PRR30: variants seen among roughly 807,000 people sequenced by gnomAD.
PRR30 encodes the protein proline-rich protein 30.
For synonymous variants in PRR30, 229 were observed against 222.7 expected (o/e 1.03, Z -0.25); for missense variants, 546 against 525.3 (o/e 1.04, Z -0.39).
At position 27,138,017 on chromosome 2, in the gene PRR30, G is replaced by A. The variant is rs911744446; in HGVS notation, c.313C>T (p.Leu105Phe). 1.5e-5 allele frequency: 25 copies of A among 1,613,592 alleles called. No individual in the cohort carries two copies. The highest frequency in any genetic ancestry group is 2.1e-5 in the Non-Finnish European group (25 of 1,179,900). Reference sequence around the variant, plus strand: ...GGAGAGGATGCACGTGGACGGGGGAGAGAGAGGTAGTTCTGGTGAAAGAAA... The same window carrying A: ...GGAGAGGATGCACGTGGACGGGGGAAAGAGAGGTAGTTCTGGTGAAAGAAA... ...PTFFHQNYLS[L>F]PRPRASSPSN... Residue 105 changes from leucine to phenylalanine, a missense_variant, in exon 3 of 3, where the codon CTC (leucine) becomes TTC (phenylalanine). Leu to Phe is a conservative substitution (Grantham distance 22, BLOSUM62 0). Transcript: ENST00000335524.
At position 27,138,175 on chromosome 2, in the gene PRR30, G is replaced by A; in HGVS notation, c.155C>T (p.Ser52Phe). The change falls in exon 3 of 3, where the codon TCT becomes TTT. Residue 52 changes from serine (S) to phenylalanine (F), a missense_variant. By Grantham distance (155) the Ser-to-Phe change is radical. Transcript: ENST00000335524. ...GGAGGGACGACGGGACTGAGTGGAA[G>A]AGAACGGTGGTTGAGAGGGAGGGAG... ...QGLPPSQPPF[S>F]STQSRRPSSP... The A allele has an allele frequency of 1.2e-6, 2 of 1,613,982 alleles. No homozygotes were observed. Among genetic ancestry groups the A allele is most frequent in the East Asian group, 2.2e-5 (1 of 44,874 alleles).
chr2:27,138,720 A>G (rs13419636), intron 2 of PRR30, 26 bp from the exon 3 acceptor site: 1 of 206,298 alleles, frequency 4.8e-6, no homozygotes, highest in Admixed American at 5.4e-5. Flanking sequence ...AGAACCCAAG[A>G]CATTGGGAGA....
Position 27,138,506 on chromosome 2 carries a change from C to T in PRR30, c.-177G>A, listed in dbSNP as rs1672555384. On this transcript the variant is annotated 5_prime_UTR_variant, in exon 3 of 3. The change creates a premature stop within an existing upstream ORF in the 5' untranslated region. Transcript: ENST00000335524. ...GCTGGTGGCAGGCCAAGGGGATACC[C>T]AGCCCTCCAGCACCAGGCTCTCAGG... 6 of 1,273,068 alleles carry T rather than the reference C, an allele frequency of 4.7e-6. No individual in the cohort carries two copies. The Admixed American group carries it at 1.2e-4, about 25-fold the overall frequency. 78.9% of individuals were successfully genotyped at this position (1,273,068 alleles called of 1,614,324 possible).
chr2:27,137,604 G>A lies in PRR30; in HGVS notation c.726C>T (p.Gly242=), dbSNP rs1311855778. 6.2e-7 allele frequency: 1 copy of A among 1,609,916 alleles called. No individual in the cohort carries two copies. The highest frequency in any genetic ancestry group is 1.1e-5 in the South Asian group (1 of 90,832). The change falls in exon 3 of 3, where the codon GGC becomes GGT. Residue 242 remains glycine, a synonymous_variant. Coordinates refer to ENST00000335524, the MANE Select transcript of PRR30 (RefSeq NM_178553.4). The surrounding 1 kb of genome is among the most constrained non-coding windows in gnomAD (Gnocchi z 4.3). ...TAGGATACTCCACGACTGGGGCCTGGCCGGTTCTGCCTAGCCACAGGTGCT... is the reference window on the plus strand; with the variant it reads ...TAGGATACTCCACGACTGGGGCCTGACCGGTTCTGCCTAGCCACAGGTGCT... ...LLQHLWLGRT[G]QAPVVEYPIC...
chr2:27,137,875 A>G lies in PRR30; in HGVS notation c.455T>C (p.Leu152Pro), dbSNP rs1280021877. The G allele has an allele frequency of 9.4e-6, 15 of 1,598,376 alleles. No individual in the cohort carries two copies. The African/African-American group carries it at 1.3e-4, about 14-fold the overall frequency. ...TGGGGAAGTGAGTGTGGAGCTATGCAGTTCCTCGGGGTGGGAAGGGGACTG... is the reference window on the plus strand; with the variant it reads ...TGGGGAAGTGAGTGTGGAGCTATGCGGTTCCTCGGGGTGGGAAGGGGACTG... Reference protein sequence around the residue: ...PCQSPSHPEELHSSTLTSPGP... With the variant: ...PCQSPSHPEEPHSSTLTSPGP... The change falls in exon 3 of 3, where the codon CTG becomes CCG. Residue 152 changes from leucine (L) to proline (P), a missense_variant. Physicochemically the swap from Leu to Pro is moderately conservative, Grantham distance 98 (BLOSUM62 -3). Coordinates refer to ENST00000335524, the MANE Select transcript of PRR30 (RefSeq NM_178553.4). The surrounding 1 kb of genome is among the most constrained non-coding windows in gnomAD (Gnocchi z 4.3).
At position 27,137,543 on chromosome 2, in the gene PRR30, AGGAGGGGCTGCGGGGCCG is replaced by A; in HGVS notation, c.769_786del (p.Arg257_Ser262del). 6.3e-7 allele frequency: 1 copy of A among 1,589,424 alleles called. No individual in the cohort carries two copies. Among genetic ancestry groups the A allele is most frequent in the Non-Finnish European group, 8.6e-7 (1 of 1,166,956 alleles). ...CCAGTCCTGTACCTGGGGAGGGGGC[AGGAGGGGCTGCGGGGCCG>A]GAGGCACACCAGGCATATAGGATAC... On this transcript the variant is annotated inframe_deletion, in exon 3 of 3. Coordinates refer to ENST00000335524, the MANE Select transcript of PRR30 (RefSeq NM_178553.4). The surrounding 1 kb of genome is among the most constrained non-coding windows in gnomAD (Gnocchi z 4.3).
rs779028584 is a variant in PRR30 at position 27,137,124 on chromosome 2, A to G, written c.1206T>C (p.Ser402=). 6.2e-7 allele frequency: 1 copy of G among 1,614,128 alleles called. No homozygotes were observed. Among genetic ancestry groups the G allele is most frequent in the South Asian group, 1.1e-5 (1 of 91,080 alleles). Reference sequence around the variant, plus strand: ...ATGACTTTTGGAGAATGAGCTCCAGAGAAACTGGCCTCTTTGGGCCAGGGC... The same window carrying G: ...ATGACTTTTGGAGAATGAGCTCCAGGGAAACTGGCCTCTTTGGGCCAGGGC... ...RPCPGPKRPV[S]LELILQKSSV Residue 402 remains serine (S), a synonymous_variant, in exon 3 of 3, where the codon TCT becomes TCC. Coordinates refer to ENST00000335524, the MANE Select transcript of PRR30 (RefSeq NM_178553.4). This position sits in a 1 kb window ranked among gnomAD's most constrained non-coding sequence, Gnocchi z 4.3.
rs141568493 is a variant in PRR30, at chr2:27,137,554, C to T, written c.776G>A (p.Arg259His). ...YPICLVCLRP[R>H]SPSCPLPRYR... ...CCTGGGGAGGGGGCAGGAGGGGCTG[C>T]GGGGCCGGAGGCACACCAGGCATAT... The change falls in exon 3 of 3, where the codon CGC (arginine) becomes CAC (histidine). Residue 259 changes from arginine to histidine, a missense_variant. Arg to His is a conservative substitution (Grantham distance 29). Coordinates refer to ENST00000335524, the MANE Select transcript of PRR30 (RefSeq NM_178553.4). The surrounding 1 kb of genome is among the most constrained non-coding windows in gnomAD (Gnocchi z 4.3). The T allele has an allele frequency of 6.9e-4, 1,089 of 1,587,552 alleles. 6 individuals are homozygous for T. In the African/African-American group the frequency reaches 0.013, roughly 18 times the overall value.
rs752161876 is a variant in PRR30 at position 27,138,261 on chromosome 2, G to A, written c.69C>T (p.Gly23=). 20 of 1,613,656 alleles carry A rather than the reference G, an allele frequency of 1.2e-5. No homozygotes were observed. The highest frequency in any genetic ancestry group is 1.7e-5 in the Non-Finnish European group (20 of 1,179,934). Residue 23 remains glycine, a synonymous_variant, in exon 3 of 3, where the codon GGC becomes GGT. Coordinates refer to ENST00000335524, the MANE Select transcript of PRR30 (RefSeq NM_178553.4). The part of the protein sequence containing the change: ...TSVLPGRPTW[G]FSQLVDSSPH... The stretch of plus-strand genomic sequence containing the variant: ...GAGAGGAGTCCACAAGTTGTGAGAA[G>A]CCCCAAGTGGGGCGCCCAGGGAGCA...
At position 27,137,010 on chromosome 2, in the gene PRR30, G is replaced by A. The variant is rs1196913677; in HGVS notation, c.*81C>T. 4.6e-6 allele frequency: 7 copies of A among 1,519,518 alleles called. No individual in the cohort carries two copies. Among genetic ancestry groups the A allele is most frequent in the African/African-American group, 2.8e-5 (2 of 72,066 alleles). The allele number at this position is 1,519,518 out of a possible 1,614,324, so 94.1% of individuals were successfully genotyped here. A position where few individuals can be genotyped will look rare whatever the true frequency, so the allele number is the denominator to read the frequency against. On this transcript the variant is annotated 3_prime_UTR_variant, in exon 3 of 3. Coordinates refer to ENST00000335524, the MANE Select transcript of PRR30 (RefSeq NM_178553.4). The surrounding 1 kb of genome is among the most constrained non-coding windows in gnomAD (Gnocchi z 4.3). ...GCCAGCCAGCCCTTCAGGGTGTCTCGGGGACTCCCCGAGATCTGGGGCCTG... is the reference window on the plus strand; with the variant it reads ...GCCAGCCAGCCCTTCAGGGTGTCTCAGGGACTCCCCGAGATCTGGGGCCTG...
chr2:27,137,756 C>G lies in PRR30; in HGVS notation c.574G>C (p.Val192Leu). ...RDTGSGSPGVVERCVPSEKDP... is the reference protein window; with the variant it reads ...RDTGSGSPGVLERCVPSEKDP... Reference sequence around the variant, plus strand: ...TTCTCGCTTGGCACGCATCTCTCCACCACTCCAGGGGACCCGGACCCAGTG... The same window carrying G: ...TTCTCGCTTGGCACGCATCTCTCCAGCACTCCAGGGGACCCGGACCCAGTG... Residue 192 changes from valine (V) to leucine (L), a missense_variant, in exon 3 of 3, where the codon GTG (valine) becomes CTG (leucine). Val to Leu is a conservative substitution (Grantham distance 32). Coordinates refer to ENST00000335524, the MANE Select transcript of PRR30 (RefSeq NM_178553.4). The surrounding 1 kb of genome is among the most constrained non-coding windows in gnomAD (Gnocchi z 4.3). 1 of 1,613,946 alleles carries G rather than the reference C, an allele frequency of 6.2e-7. No individual in the cohort carries two copies. Among genetic ancestry groups the G allele is most frequent in the Non-Finnish European group, 8.5e-7 (1 of 1,179,878 alleles).
In PRR30 at chr2:27,138,428, C is replaced by T; in HGVS notation, c.-99G>A. 1 of 1,488,050 alleles carries T rather than the reference C, an allele frequency of 6.7e-7. No homozygotes were observed. Among genetic ancestry groups the T allele is most frequent in the Non-Finnish European group, 8.9e-7 (1 of 1,121,316 alleles). 92.2% of individuals were successfully genotyped at this position (1,488,050 alleles called of 1,614,324 possible). A position where few individuals can be genotyped will look rare whatever the true frequency, so the allele number is the denominator to read the frequency against. Reference sequence around the variant, plus strand: ...CTGAGGTCAGCTGTGCCTGAGAAATCAAGGCCACCTTCTGTGCGCAGAGCG... The same window carrying T: ...CTGAGGTCAGCTGTGCCTGAGAAATTAAGGCCACCTTCTGTGCGCAGAGCG... On this transcript the variant is annotated 5_prime_UTR_variant, in exon 3 of 3. An upstream open reading frame in the 5' UTR loses its in-frame stop. Coordinates refer to ENST00000335524, the MANE Select transcript of PRR30 (RefSeq NM_178553.4).
In PRR30 at chr2:27,137,453, G is replaced by A. The variant is rs561205204; in HGVS notation, c.877C>T (p.Arg293Trp). ...CGGAGGCCGAAGCCGATGCCTATCCGGAGTGGCCCAGATTCCTGGCCCTGC... is the reference window on the plus strand; with the variant it reads ...CGGAGGCCGAAGCCGATGCCTATCCAGAGTGGCCCAGATTCCTGGCCCTGC... Reference protein sequence around the residue: ...CVQGQESGPLRIGIGFGLRLP... With the variant: ...CVQGQESGPLWIGIGFGLRLP... Residue 293 changes from arginine (R) to tryptophan (W), a missense_variant, in exon 3 of 3, where the codon CGG (arginine) becomes TGG (tryptophan). Coordinates refer to ENST00000335524, the MANE Select transcript of PRR30 (RefSeq NM_178553.4). The surrounding 1 kb of genome is among the most constrained non-coding windows in gnomAD (Gnocchi z 4.3). 4.8e-5 allele frequency: 77 copies of A among 1,612,230 alleles called. No homozygotes were observed. Among genetic ancestry groups the A allele is most frequent in the African/African-American group, 1.1e-4 (8 of 75,002 alleles).
Position 27,137,376 on chromosome 2 carries a change from C to T in PRR30, c.954G>A (p.Pro318=), listed in dbSNP as rs200657890. The T allele has an allele frequency of 1.2e-4, 196 of 1,614,048 alleles. No individual in the cohort carries two copies. The highest frequency in any genetic ancestry group is 1.3e-4 in the East Asian group (6 of 44,874). The part of the protein sequence containing the change: ...RALHLLPEKR[P]KEAGPQGKAT... ...CCTTGCCCTGAGGCCCTGCTTCCTTCGGCCTTTTCTCGGGCAGCAGATGCA... is the reference window on the plus strand; with the variant it reads ...CCTTGCCCTGAGGCCCTGCTTCCTTTGGCCTTTTCTCGGGCAGCAGATGCA... The change falls in exon 3 of 3, where the codon CCG becomes CCA. Residue 318 remains proline (P), a synonymous_variant. Coordinates refer to ENST00000335524, the MANE Select transcript of PRR30 (RefSeq NM_178553.4). The surrounding 1 kb of genome is among the most constrained non-coding windows in gnomAD (Gnocchi z 4.3).
In PRR30 at chr2:27,137,505, A is replaced by G; in HGVS notation, c.825T>C (p.Leu275=). The G allele has an allele frequency of 1.3e-6, 2 of 1,597,728 alleles. No homozygotes were observed. The highest frequency in any genetic ancestry group is 1.1e-5 in the South Asian group (1 of 89,196). Residue 275 remains leucine, a synonymous_variant, in exon 3 of 3, where the codon CTT becomes CTC. Coordinates refer to ENST00000335524, the MANE Select transcript of PRR30 (RefSeq NM_178553.4). The surrounding 1 kb of genome is among the most constrained non-coding windows in gnomAD (Gnocchi z 4.3). ...CACAGGGCAGTAGTTGAGGGAAAGC[A>G]AGCAGCCGGGGTCCAGTCCTGTACC... ...LPRYRTGPRL[L]AFPQLLPCVQ...
chr2:27,137,712 C>G lies in PRR30; in HGVS notation c.618G>C (p.Arg206Ser). The G allele has an allele frequency of 1.2e-6, 2 of 1,613,922 alleles. No individual in the cohort carries two copies. Among genetic ancestry groups the G allele is most frequent in the Non-Finnish European group, 1.7e-6 (2 of 1,180,012 alleles). ...VPSEKDPAQF[R>S]DPGALAQALV... Reference sequence around the variant, plus strand: ...GGGCCTGGGCCAGGGCCCCTGGGTCCCTGAACTGTGCAGGATCCTTCTCGC... The same window carrying G: ...GGGCCTGGGCCAGGGCCCCTGGGTCGCTGAACTGTGCAGGATCCTTCTCGC... Residue 206 changes from arginine to serine, a missense_variant, in exon 3 of 3, where the codon AGG (arginine) becomes AGC (serine). Transcript: ENST00000335524. This position sits in a 1 kb window ranked among gnomAD's most constrained non-coding sequence, Gnocchi z 4.3.
chr2:27,137,294 G>C lies in PRR30; in HGVS notation c.1036C>G (p.Arg346Gly), dbSNP rs138389066. Residue 346 changes from arginine to glycine, a missense_variant, in exon 3 of 3, where the codon CGG becomes GGG. Transcript: ENST00000335524. This position sits in a 1 kb window ranked among gnomAD's most constrained non-coding sequence, Gnocchi z 4.3. ...GGTGTGCCTGGGACTGGGTCGGCCC[G>C]GGCCTGAGCTGCTGGAGGCTGAGAT... The part of the protein sequence containing the change: ...PASQPPAAQA[R>G]ADPVPGTPSQ... 1.9e-6 allele frequency: 3 copies of C among 1,614,106 alleles called. No individual in the cohort carries two copies. The highest frequency in any genetic ancestry group is 2.7e-5 in the African/African-American group (2 of 74,930).
Position 27,137,908 on chromosome 2 carries a change from G to A in PRR30, c.422C>T (p.Ser141Leu). ...GGGGTGGGAAGGGGACTGGCAAGGT[G>A]AGTGGGGAAGGGAGGAGTTCTGAGG... is the stretch of plus-strand genomic sequence containing the variant. ...SQPQNSSLPH[S>L]PCQSPSHPEE... Residue 141 changes from serine (S) to leucine (L), a missense_variant, in exon 3 of 3, where the codon TCA becomes TTA. Physicochemically the swap from Ser to Leu is moderately radical, Grantham distance 145. Coordinates refer to ENST00000335524, the MANE Select transcript of PRR30 (RefSeq NM_178553.4). The surrounding 1 kb of genome is among the most constrained non-coding windows in gnomAD (Gnocchi z 4.3). 1 of 1,607,282 alleles carries A rather than the reference G, an allele frequency of 6.2e-7. No homozygotes were observed. The highest frequency in any genetic ancestry group is 1.1e-5 in the South Asian group (1 of 90,052).
In PRR30 at chr2:27,137,779, G is replaced by T. The variant is rs763423591; in HGVS notation, c.551C>A (p.Thr184Asn). The change falls in exon 3 of 3, where the codon ACT becomes AAT. Residue 184 changes from threonine to asparagine, a missense_variant. Physicochemically the swap from Thr to Asn is moderately conservative, Grantham distance 65. Transcript: ENST00000335524. The surrounding 1 kb of genome is among the most constrained non-coding windows in gnomAD (Gnocchi z 4.3). ...QTWRWHQYRD[T>N]GSGSPGVVER... ...CACCACTCCAGGGGACCCGGACCCAGTGTCCCTGTACTGATGCCAGCGCCA... is the reference window on the plus strand; with the variant it reads ...CACCACTCCAGGGGACCCGGACCCATTGTCCCTGTACTGATGCCAGCGCCA... 1 of 1,613,354 alleles carries T rather than the reference G, an allele frequency of 6.2e-7. No homozygotes were observed. Among genetic ancestry groups the T allele is most frequent in the Admixed American group, 1.7e-5 (1 of 59,990 alleles).
Sources: allele counts gnomAD v4.1 joint callset, GRCh38; gene constraint gnomAD v4.1.1; non-coding constraint Gnocchi (gnomAD v3.1); transcripts MANE v1.5; gene names NCBI Gene and HGNC (gene_info 2026-07-23, HGNC 2026-07-21).